Variants in TAFA2 observed in about 807,000 individuals in gnomAD.
TAFA2 encodes TAFA chemokine like family member 2.
Under a neutral mutation model 18.8 loss-of-function variants are expected in TAFA2, and 7 were observed. The observed-to-expected ratio is 0.37, with a 90% confidence interval of 0.21 to 0.70. The LOEUF (loss-of-function observed/expected upper bound fraction) is 0.70, where lower values mean the gene tolerates loss of function less well. Ranked by LOEUF, TAFA2 falls within the 30% of genes least tolerant of loss-of-function variation. TAFA2 has a pLI of 0.53. For synonymous variants in TAFA2, 60 were observed against 54.2 expected (o/e 1.11, Z -0.47); for missense variants, 122 against 158.1 (o/e 0.77, Z 1.23).
intron 1 of TAFA2, among the ~76,000 whole-genome samples, chr12:62,251,624 G>C (rs1036199223): frequency 6.6e-6 from 1 of 152,174 alleles, no homozygotes; most frequent in Non-Finnish European, 1.5e-5. Flanking sequence ...AAGCAAACAA[G>C]ATTGAGCAGA....
At chr12:61,810,670 C>T (rs1165046606) in intron 2 of TAFA2, among the ~76,000 whole-genome samples, 1 of 150,728 alleles carries the variant, frequency 6.6e-6, no homozygotes, top group African/African-American at 2.5e-5. Flanking sequence ...TCCCAGCTTC[C>T]CTTGTGTCTT....
intron 1 of TAFA2, among the ~76,000 whole-genome samples, chr12:62,215,608 A>G (rs1467873567): frequency 6.9e-6 from 1 of 145,946 alleles, no homozygotes; most frequent in Non-Finnish European, 1.5e-5. Flanking sequence ...TCTCTTGCTT[A>G]AGAGAAACAA....
intron 1 of TAFA2, among the ~76,000 whole-genome samples, chr12:61,973,303 A>C (rs12823007): frequency 0.17 from 26,082 of 151,398 alleles, 2,332 homozygotes; most frequent in Middle Eastern, 0.21. Context: ...AAATCATTTC[A>C]TATCATATTT....
At chr12:61,862,899 C>T (rs1193332484) in intron 2 of TAFA2, among the ~76,000 whole-genome samples, 1 of 152,094 alleles carries the variant, frequency 6.6e-6, no homozygotes, top group African/African-American at 2.4e-5. Flanking sequence ...ATAAAACATC[C>T]CATTTTATGT....
At chr12:61,927,072 A>G (rs796348192) in intron 1 of TAFA2, among the ~76,000 whole-genome samples, 36 of 86,658 alleles carry the variant, frequency 4.2e-4, no homozygotes, top group African/African-American at 1.7e-3. Context: ...AGACTCTGAA[A>G]AAAAAAAAAA....
chr12:61,814,544 A>C (rs1382080180), intron 2 of TAFA2, among the ~76,000 whole-genome samples: 1 of 151,382 alleles, frequency 6.6e-6, no homozygotes, highest in Non-Finnish European at 1.5e-5. Flanking sequence ...GGGCAAGAGT[A>C]GGAGCAAGAA....
chr12:61,725,710 A>G (rs574963322), intron 4 of TAFA2, among the ~76,000 whole-genome samples: 1 of 152,130 alleles, frequency 6.6e-6, no homozygotes, highest in East Asian at 1.9e-4. Flanking sequence ...TTTGAAGTTC[A>G]GAAAATGTGA....
At chr12:62,170,859 A>G (rs1300268034) in intron 1 of TAFA2, among the ~76,000 whole-genome samples, 1 of 152,138 alleles carries the variant, frequency 6.6e-6, no homozygotes, top group Non-Finnish European at 1.5e-5. Flanking sequence ...TATGGGTTTC[A>G]TCAGGTAGCA....
At chr12:62,209,158 A>G (rs1245648) in intron 1 of TAFA2, among the ~76,000 whole-genome samples, 54,399 of 152,028 alleles carry the variant, frequency 0.36, 10,211 homozygotes, top group South Asian at 0.45. Flanking sequence ...TCCCTACCCA[A>G]ATCTCATCTT....
chr12:62,214,250 G>A (rs1389715469), intron 1 of TAFA2, among the ~76,000 whole-genome samples: 1 of 152,100 alleles, frequency 6.6e-6, no homozygotes, highest in Non-Finnish European at 1.5e-5. Flanking sequence ...ATGTGTTGTG[G>A]GAGGTAATTG....
intron 1 of TAFA2, among the ~76,000 whole-genome samples, chr12:62,255,786 G>A (rs540331657): frequency 3.9e-5 from 6 of 152,060 alleles, no homozygotes; most frequent in South Asian, 2.1e-4. Context: ...CTTGAGAGGC[G>A]AAGGTTGCAG....
chr12:61,940,961 C>T (rs763350026), intron 1 of TAFA2, among the ~76,000 whole-genome samples: 4 of 151,878 alleles, frequency 2.6e-5, no homozygotes, highest in Non-Finnish European at 5.9e-5. Flanking sequence ...CTACTGAATA[C>T]TTGAAATATA....
intron 2 of TAFA2, among the ~76,000 whole-genome samples, chr12:61,775,472 A>T (rs1333328193): frequency 6.6e-6 from 1 of 151,906 alleles, no homozygotes; most frequent in Admixed American, 6.6e-5. Flanking sequence ...GCTAAAAAAA[A>T]TGAGCTATCA....
At chr12:61,858,317 G>A (rs1592439370) in intron 2 of TAFA2, among the ~76,000 whole-genome samples, 1 of 152,004 alleles carries the variant, frequency 6.6e-6, no homozygotes, top group Non-Finnish European at 1.5e-5. Context: ...GCCCTACCAC[G>A]ATTGCAATTT....
chr12:61,768,474 G>A (rs1869882466), intron 2 of TAFA2, among the ~76,000 whole-genome samples: 1 of 152,124 alleles, frequency 6.6e-6, no homozygotes, highest in Non-Finnish European at 1.5e-5. Context: ...GCTTGCCACT[G>A]TAGGTTTCGT....
chr12:61,908,727 A>G (rs965029035), intron 1 of TAFA2, among the ~76,000 whole-genome samples: 1 of 152,234 alleles, frequency 6.6e-6, no homozygotes, highest in African/African-American at 2.4e-5. Context: ...ATAATATTAA[A>G]GAACATGAAC....
rs147062650 is a variant in TAFA2, at chr12:61,817,046, G to A, written c.106+50274C>T. Among the ~76,000 whole-genome samples the A allele has an allele frequency of 5.5e-4, 83 of 151,256 alleles. No homozygotes were observed. In the East Asian group the frequency reaches 0.013, roughly 24 times the overall value. Reference sequence around the variant, plus strand: ...AATTTTGTTGCTACTTCCATAGCTCGCAGTCTATTTGAAGAGACTACACAT... The same window carrying A: ...AATTTTGTTGCTACTTCCATAGCTCACAGTCTATTTGAAGAGACTACACAT... On this transcript the variant is annotated intron_variant, in intron 2 of 4. Coordinates refer to ENST00000416284, the MANE Select transcript of TAFA2 (RefSeq NM_178539.5).
intron 1 of TAFA2, among the ~76,000 whole-genome samples, chr12:62,236,605 G>C (rs2062838921): frequency 6.6e-6 from 1 of 152,170 alleles, no homozygotes; most frequent in Admixed American, 6.5e-5. Context: ...TTTTCCTTCA[G>C]ATTGAAGAAC....
chr12:61,765,514 C>T (rs188021060), intron 2 of TAFA2, among the ~76,000 whole-genome samples: 1 of 152,106 alleles, frequency 6.6e-6, no homozygotes, highest in Non-Finnish European at 1.5e-5. Context: ...TTGGGTGCAG[C>T]TCAAGTGCTT....
Sources: allele counts gnomAD v4.1 joint callset (sites outside exome capture counted in the v4.1 genomes callset), GRCh38; gene constraint gnomAD v4.1.1; transcripts MANE v1.5; gene names NCBI Gene and HGNC (gene_info 2026-07-23, HGNC 2026-07-21).